Variants in NCAM1 observed in about 807,000 individuals in gnomAD.
The protein encoded by NCAM1 is neural cell adhesion molecule 1, also known as antigen recognized by monoclonal antibody 5.1H11.
Under a neutral mutation model 109.8 loss-of-function variants are expected in NCAM1, and 14 were observed. That is an observed-to-expected ratio of 0.13 (90% CI 0.08 to 0.20). The LOEUF is 0.20. Among genes scored for constraint, NCAM1 ranks in the 10% least tolerant of loss-of-function variants. The probability of loss-of-function intolerance (pLI) is 1.00; values close to 1 mark genes in which losing one functional copy is unlikely to be tolerated. For missense variants in NCAM1, 774 were observed against 1,109.9 expected (o/e 0.70, Z 4.30); for synonymous variants, 418 against 442.9 (o/e 0.94, Z 0.70).
intron 1 of NCAM1, among the ~76,000 whole-genome samples, chr11:113,174,900 A>T (rs1943100221): frequency 6.6e-6 from 1 of 152,172 alleles, no homozygotes; most frequent in South Asian, 2.1e-4. Context: ...CTCCAGGCCC[A>T]CCAACAACTG....
chr11:113,112,289 G>A lies in NCAM1; in HGVS notation c.53-90090G>A, dbSNP rs555124805. 8.5e-5 allele frequency among the ~76,000 whole-genome samples: 13 copies of A among 152,194 alleles called. No homozygotes were observed. In the South Asian group the frequency reaches 2.5e-3, roughly 29 times the overall value. ...TTGCCAGTGGAAATATTTACCATTC[G>A]AAACTTACTCTTTGGGAGTCTAATG... On this transcript the variant is annotated intron_variant, in intron 1 of 19. Coordinates refer to ENST00000316851, the MANE Select transcript of NCAM1 (RefSeq NM_181351.5).
chr11:113,247,841 C>T (rs1248328883), intron 15 of NCAM1, among the ~76,000 whole-genome samples: 1 of 152,112 alleles, frequency 6.6e-6, no homozygotes, highest in Non-Finnish European at 1.5e-5. Context: ...ACCCAAAATA[C>T]GGTATTTTCA....
At chr11:113,180,630 C>G (rs1435874899) in intron 1 of NCAM1, among the ~76,000 whole-genome samples, 2 of 152,192 alleles carry the variant, frequency 1.3e-5, no homozygotes, top group Non-Finnish European at 2.9e-5. Flanking sequence ...TTCTTCCACT[C>G]TACTCTGAAG....
intron 7 of NCAM1, among the ~76,000 whole-genome samples, chr11:113,208,430 C>A (rs1412794912): frequency 1.3e-5 from 2 of 152,208 alleles, no homozygotes; most frequent in African/African-American, 4.8e-5. Flanking sequence ...AGTTCTCCAA[C>A]CACACAGGCC....
At chr11:113,041,894 A>C (rs1326154000) in intron 1 of NCAM1, among the ~76,000 whole-genome samples, 1 of 152,114 alleles carries the variant, frequency 6.6e-6, no homozygotes, top group Non-Finnish European at 1.5e-5. Context: ...CATTACGAGG[A>C]AGAAACAGTG....
chr11:113,227,164 A>G (rs1449272333), intron 9 of NCAM1, among the ~76,000 whole-genome samples: 2 of 152,212 alleles, frequency 1.3e-5, no homozygotes, highest in Non-Finnish European at 1.5e-5. Flanking sequence ...TAAAAGATCA[A>G]CAACATTGAC....
intron 7 of NCAM1, among the ~76,000 whole-genome samples, chr11:113,213,635 C>T (rs1377214242): frequency 6.6e-6 from 1 of 152,208 alleles, no homozygotes; most frequent in Non-Finnish European, 1.5e-5. Flanking sequence ...GCCCTCTGTT[C>T]AGTTGCCACT....
At chr11:113,089,377 GT>G (rs5794844) in intron 1 of NCAM1, among the ~76,000 whole-genome samples, 79,639 of 149,670 alleles carry the variant, frequency 0.53, 21,640 homozygotes, top group Middle Eastern at 0.58. Flanking sequence ...AGTGGGTTTA[GT>G]TTTTTTTTTT....
chr11:113,270,387 C>T lies in NCAM1; in HGVS notation c.2331C>T (p.Ala777=), dbSNP rs782201326. Reference sequence around the variant, plus strand: ...GCAAGGACATGGAGGAGGGCAAGGCCGCCTTCTCGTGAGTGCAGACCTGTC... The same window carrying T: ...GCAAGGACATGGAGGAGGGCAAGGCTGCCTTCTCGTGAGTGCAGACCTGTC... ...AKGKDMEEGK[A]AFSKDESKEP... Residue 777 remains alanine (A), a synonymous_variant, in exon 18 of 20, where the codon GCC becomes GCT. Transcript: ENST00000316851. 32 of 1,613,874 alleles carry T rather than the reference C, an allele frequency of 2.0e-5. No individual in the cohort carries two copies. The Admixed American group carries it at 2.0e-4, about 10-fold the overall frequency.
intron 1 of NCAM1, among the ~76,000 whole-genome samples, chr11:113,027,871 G>T (rs1009130191): frequency 2.0e-5 from 3 of 152,084 alleles, no homozygotes; most frequent in Non-Finnish European, 2.9e-5. Context: ...ACCAGAAATT[G>T]ACTACGTGTC....
intron 17 of NCAM1, chr11:113,262,987 C>T: frequency 1.3e-6 from 2 of 1,572,822 alleles, no homozygotes; most frequent in Non-Finnish European, 1.7e-6. Flanking sequence ...AGATCAGTGC[C>T]CCCTTTGGAA....
chr11:113,127,759 A>G (rs969950390), intron 1 of NCAM1, among the ~76,000 whole-genome samples: 2 of 152,268 alleles, frequency 1.3e-5, no homozygotes, highest in African/African-American at 2.4e-5. Context: ...GCTGCTCAGC[A>G]GCGTCCCTTC....
intron 1 of NCAM1, among the ~76,000 whole-genome samples, chr11:112,980,823 G>A (rs185893169): frequency 6.6e-6 from 1 of 151,796 alleles, no homozygotes; most frequent in Admixed American, 6.6e-5. Flanking sequence ...TTTAGATTGT[G>A]GGTATTATAT....
chr11:113,147,161 G>A (rs889779587), intron 1 of NCAM1, among the ~76,000 whole-genome samples: 1 of 152,188 alleles, frequency 6.6e-6, no homozygotes, highest in African/African-American at 2.4e-5. Context: ...CTGCAATTCG[G>A]TTTATCTGTT....
chr11:113,084,763 T>C (rs1939001790), intron 1 of NCAM1, among the ~76,000 whole-genome samples: 1 of 152,172 alleles, frequency 6.6e-6, no homozygotes, highest in Non-Finnish European at 1.5e-5. Flanking sequence ...AGAACCAGAC[T>C]TCCCTCCCAC....
chr11:113,243,767 G>A (rs1555119600), intron 14 of NCAM1: 1 of 289,624 alleles, frequency 3.5e-6, no homozygotes. Flanking sequence ...ATCCCATCAA[G>A]CAGAACAAGA....
chr11:113,242,823 C>T (rs782581062), intron 14 of NCAM1: 6 of 1,613,956 alleles, frequency 3.7e-6, no homozygotes, highest in Non-Finnish European at 4.2e-6. Context: ...CCTCTTCCTG[C>T]CCTTGCAACC....
chr11:113,135,487 T>G (rs994727308), intron 1 of NCAM1, among the ~76,000 whole-genome samples: 15 of 152,284 alleles, frequency 9.9e-5, no homozygotes, highest in African/African-American at 3.6e-4. Context: ...ATGCGCCCAC[T>G]GTTCAGCTTC....
chr11:113,270,750 G>A (rs182407816), intron 18 of NCAM1, among the ~76,000 whole-genome samples: 11 of 152,210 alleles, frequency 7.2e-5, no homozygotes, highest in Non-Finnish European at 1.3e-4. Flanking sequence ...CCTTGCTTTC[G>A]TACATTGTTT....
Sources: gnomAD v4.1 joint callset for allele counts (sites outside exome capture counted in the v4.1 genomes callset) on GRCh38, gnomAD v4.1.1 for gene constraint, MANE v1.5 for transcripts, NCBI Gene and HGNC (gene_info 2026-07-23, HGNC 2026-07-21) for gene names.